GALNT18: variants seen among roughly 807,000 people sequenced by gnomAD.
The protein encoded by GALNT18 is polypeptide N-acetylgalactosaminyltransferase 18.
In GALNT18, 44 loss-of-function variants were observed where a neutral mutation model predicts 69.5. The ratio of observed to expected loss-of-function variants is 0.63; its 90% CI spans 0.50 to 0.81. The LOEUF (loss-of-function observed/expected upper bound fraction) is 0.81, where lower values mean the gene tolerates loss of function less well. Ranked by LOEUF, GALNT18 falls within the 40% of genes least tolerant of loss-of-function variation. The pLI is 0.00. For missense variants in GALNT18, 715 were observed against 810.0 expected (o/e 0.88, Z 1.42); for synonymous variants, 364 against 318.2 (o/e 1.14, Z -1.53).
chr11:11,429,571 A>G (rs1031937844), intron 3 of GALNT18, among the ~76,000 whole-genome samples: 1 of 152,236 alleles, frequency 6.6e-6, no homozygotes, highest in South Asian at 2.1e-4. Context: ...ACAGTCACAC[A>G]TGATGTGACC....
At chr11:11,544,138 C>A (rs1286166604) in intron 1 of GALNT18, among the ~76,000 whole-genome samples, 1 of 152,208 alleles carries the variant, frequency 6.6e-6, no homozygotes, top group Non-Finnish European at 1.5e-5. Context: ...TGTGGGAGAT[C>A]TGGTCCCCTT....
In GALNT18 at chr11:11,542,547, G is replaced by A. The variant is rs372323677; in HGVS notation, c.235+78812C>T. Among the ~76,000 whole-genome samples, 7 of 152,268 alleles carry A rather than the reference G, an allele frequency of 4.6e-5. No homozygotes were observed. The highest frequency in any genetic ancestry group is 3.9e-4 in the East Asian group (2 of 5,184). ...ATAATTCCTACCATGTCCTTGTTCC[G>A]GAAAACAGTCATGCCAAGCTCAAAG... On this transcript the variant is annotated intron_variant, in intron 1 of 10. Coordinates refer to ENST00000227756, the MANE Select transcript of GALNT18 (RefSeq NM_198516.3). The surrounding 1 kb of genome is among the most constrained non-coding windows in gnomAD (Gnocchi z 4.3).
chr11:11,360,824 A>G (rs985291201), intron 6 of GALNT18, among the ~76,000 whole-genome samples: 3 of 151,884 alleles, frequency 2.0e-5, no homozygotes, highest in African/African-American at 7.3e-5. Context: ...CTTTACCATT[A>G]CTCATTGATT....
In GALNT18 at chr11:11,587,936, G is replaced by T. The variant is rs1859265289; in HGVS notation, c.235+33423C>A. 6.6e-6 allele frequency among the ~76,000 whole-genome samples: 1 copy of T among 152,142 alleles called. No individual in the cohort carries two copies. Among genetic ancestry groups the T allele is most frequent in the South Asian group, 2.1e-4 (1 of 4,828 alleles). ...TCTACTAATTCACTAAGAGTGGCAT[G>T]TCTCTACCAATAAATTACAAAATAG... On this transcript the variant is annotated intron_variant, in intron 1 of 10. Transcript: ENST00000227756. This position sits in a 1 kb window ranked among gnomAD's most constrained non-coding sequence, Gnocchi z 4.4.
intron 1 of GALNT18, among the ~76,000 whole-genome samples, chr11:11,594,838 T>TATATATAC (rs1326907833): frequency 3.1e-5 from 2 of 64,842 alleles, no homozygotes; most frequent in African/African-American, 7.5e-5. Context: ...TATATATATA[T>TATATATAC]ATACACATAT....
In GALNT18 at chr11:11,337,177, G is replaced by A. The variant is rs576658560; in HGVS notation, c.1278+3642C>T. 9.5e-4 allele frequency among the ~76,000 whole-genome samples: 144 copies of A among 152,272 alleles called. 1 individual carries two copies. Among genetic ancestry groups the A allele is most frequent in the African/African-American group, 3.2e-3 (134 of 41,554 alleles). ...GTATTTTTTTAAAAGTTCTTCAAGC[G>A]ATTCTGATGCAGTTGGTCTGAAGAT... On this transcript the variant is annotated intron_variant, in intron 7 of 10. Transcript: ENST00000227756. This position sits in a 1 kb window ranked among gnomAD's most constrained non-coding sequence, Gnocchi z 4.9.
intron 1 of GALNT18, among the ~76,000 whole-genome samples, chr11:11,539,772 C>T (rs1459706207): frequency 6.6e-6 from 1 of 152,100 alleles, no homozygotes; most frequent in East Asian, 1.9e-4. Context: ...GCTGTGGCTG[C>T]GTCTTAGAAA....
chr11:11,276,280 TTC>T (rs1848944709), intron 10 of GALNT18, among the ~76,000 whole-genome samples: 1 of 152,220 alleles, frequency 6.6e-6, no homozygotes, highest in African/African-American at 2.4e-5. Flanking sequence ...AGGTATTTTA[TTC>T]TCTTTGTAGC....
intron 10 of GALNT18, among the ~76,000 whole-genome samples, chr11:11,281,428 C>A (rs2132985833): frequency 6.6e-6 from 1 of 152,282 alleles, no homozygotes; most frequent in Admixed American, 6.5e-5. Flanking sequence ...CCAAAGCGCA[C>A]AACAAACGGG....
At chr11:11,425,868 G>C (rs1344562289) in intron 3 of GALNT18, among the ~76,000 whole-genome samples, 1 of 152,256 alleles carries the variant, frequency 6.6e-6, no homozygotes, top group Non-Finnish European at 1.5e-5. Context: ...AGAGTCAAAG[G>C]CAGAGATGCC....
chr11:11,291,560 C>T (rs1849298520), intron 10 of GALNT18, among the ~76,000 whole-genome samples: 3 of 152,174 alleles, frequency 2.0e-5, no homozygotes, highest in African/African-American at 7.2e-5. Context: ...GTTACATAGA[C>T]AGGAAGGAGC....
In GALNT18 at chr11:11,341,551, G is replaced by A. The variant is rs545045054; in HGVS notation, c.1093-547C>T. 1.8e-4 allele frequency among the ~76,000 whole-genome samples: 28 copies of A among 152,250 alleles called. No homozygotes were observed. In the South Asian group the frequency reaches 5.6e-3, roughly 30 times the overall value. On this transcript the variant is annotated intron_variant, in intron 6 of 10. Coordinates refer to ENST00000227756, the MANE Select transcript of GALNT18 (RefSeq NM_198516.3). The surrounding 1 kb of genome is among the most constrained non-coding windows in gnomAD (Gnocchi z 6.3). ...GTTCTGACTGAATCTGAGGGAGAGCGCTGCAAAGAAGGAAATGATATTAAA... is the reference window on the plus strand; with the variant it reads ...GTTCTGACTGAATCTGAGGGAGAGCACTGCAAAGAAGGAAATGATATTAAA...
chr11:11,596,419 A>C lies in GALNT18; in HGVS notation c.235+24940T>G, dbSNP rs1859502842. Among the ~76,000 whole-genome samples, 1 of 152,194 alleles carries C rather than the reference A, an allele frequency of 6.6e-6. No individual in the cohort carries two copies. The highest frequency in any genetic ancestry group is 1.5e-5 in the Non-Finnish European group (1 of 68,020). ...AAGATAAGCCTGTCAATTTCTGTGT[A>C]AAAGCCAGCTGGGATTTTGATAAAG... On this transcript the variant is annotated intron_variant, in intron 1 of 10. Transcript: ENST00000227756. This position sits in a 1 kb window ranked among gnomAD's most constrained non-coding sequence, Gnocchi z 4.2.
intron 3 of GALNT18, among the ~76,000 whole-genome samples, chr11:11,394,401 T>C (rs1419489461): frequency 6.6e-6 from 1 of 152,114 alleles, no homozygotes; most frequent in Non-Finnish European, 1.5e-5. Flanking sequence ...AAGTGAGTGG[T>C]AGAGAGATTG....
At position 11,398,139 on chromosome 11, in the gene GALNT18, T is replaced by G. The variant is rs557573828; in HGVS notation, c.596-18875A>C. Among the ~76,000 whole-genome samples, 23 of 152,356 alleles carry G rather than the reference T, an allele frequency of 1.5e-4. No individual in the cohort carries two copies. The South Asian group carries it at 4.1e-3, about 27-fold the overall frequency. ...CATTTTATAGATGAGAAAACTGGGA[T>G]GTTAAGCAATGTGTTCAAGATTGCA... On this transcript the variant is annotated intron_variant, in intron 3 of 10. Transcript: ENST00000227756.
chr11:11,356,262 G>A lies in GALNT18; in HGVS notation c.1093-15258C>T, dbSNP rs1159423494. ...AGAAGGAACCCTTGCTCAGTTTGTGGCAGTTCTTCTGAGGAAATGATTCTG... is the reference window on the plus strand; with the variant it reads ...AGAAGGAACCCTTGCTCAGTTTGTGACAGTTCTTCTGAGGAAATGATTCTG... On this transcript the variant is annotated intron_variant, in intron 6 of 10. Transcript: ENST00000227756. This position sits in a 1 kb window ranked among gnomAD's most constrained non-coding sequence, Gnocchi z 4.4. 6.6e-6 allele frequency among the ~76,000 whole-genome samples: 1 copy of A among 152,156 alleles called. No homozygotes were observed. The highest frequency in any genetic ancestry group is 1.5e-5 in the Non-Finnish European group (1 of 68,036).
At chr11:11,531,258 C>A (rs1287890090) in intron 1 of GALNT18, among the ~76,000 whole-genome samples, 1 of 152,174 alleles carries the variant, frequency 6.6e-6, no homozygotes, top group Non-Finnish European at 1.5e-5. Flanking sequence ...TTTGAGAAAA[C>A]CCTGCTGGAA....
intron 1 of GALNT18, among the ~76,000 whole-genome samples, chr11:11,452,095 C>T (rs1030217408): frequency 6.6e-6 from 1 of 152,154 alleles, no homozygotes; most frequent in Non-Finnish European, 1.5e-5. Context: ...AAAAGTGTGC[C>T]ACCCCCAACA....
chr11:11,400,573 G>C (rs1024852875), intron 3 of GALNT18, among the ~76,000 whole-genome samples: 1 of 152,156 alleles, frequency 6.6e-6, no homozygotes. Context: ...AGTTCTGAAG[G>C]CTGGGGAGTT....
Sources: allele counts gnomAD v4.1 joint callset (sites outside exome capture counted in the v4.1 genomes callset), GRCh38; gene constraint gnomAD v4.1.1; non-coding constraint Gnocchi (gnomAD v3.1); transcripts MANE v1.5; gene names NCBI Gene and HGNC (gene_info 2026-07-23, HGNC 2026-07-21).